Variants in RBFOX1 observed in about 807,000 individuals in gnomAD.
RBFOX1 encodes the protein RNA binding fox-1 homolog 1.
RBFOX1 carries 8 observed loss-of-function variants against 57.7 expected under a neutral mutation model. The observed-to-expected ratio is 0.14, with a 90% CI of 0.08 to 0.25. RBFOX1 has a LOEUF of 0.25. RBFOX1 is among the 10% of genes least tolerant of loss of function. RBFOX1 has a pLI of 1.00. For synonymous variants in RBFOX1, 326 were observed against 222.4 expected (o/e 1.47, Z -4.15); for missense variants, 611 against 548.5 (o/e 1.11, Z -1.14).
chr16:7,377,431 G>GA (rs1178795910), intron 4 of RBFOX1, among the ~76,000 whole-genome samples: 2 of 152,108 alleles, frequency 1.3e-5, no homozygotes, highest in African/African-American at 4.8e-5. Context: ...AGTTTCTGAA[G>GA]AATCATTTCA....
intron 1 of RBFOX1, among the ~76,000 whole-genome samples, chr16:6,166,363 C>T (rs1401833696): frequency 6.6e-6 from 1 of 151,236 alleles, no homozygotes; most frequent in Non-Finnish European, 1.5e-5. Context: ...CCAAAGGTTC[C>T]ATGGGCTCAT....
intron 4 of RBFOX1, among the ~76,000 whole-genome samples, chr16:7,255,776 T>C (rs542091351): frequency 1.1e-4 from 16 of 152,352 alleles, no homozygotes; most frequent in Admixed American, 2.6e-4. Flanking sequence ...TATAGAAATA[T>C]TAACAATATA....
chr16:7,281,399 T>G lies in RBFOX1; in HGVS notation c.27+229301T>G, dbSNP rs561798845. ...CTTCCCTTATTGTATGAGAGCCAGG[T>G]GACTTTGTGCAAAACACTTGCCTGC... On this transcript the variant is annotated intron_variant, in intron 4 of 15. Coordinates refer to ENST00000550418, the MANE Select transcript of RBFOX1 (RefSeq NM_018723.4). Among the ~76,000 whole-genome samples the G allele has an allele frequency of 3.3e-4, 50 of 152,048 alleles. 1 individual carries two copies. The highest frequency in any genetic ancestry group is 1.2e-3 in the African/African-American group (50 of 41,466).
At chr16:6,166,622 A>C (rs2096919377) in intron 1 of RBFOX1, among the ~76,000 whole-genome samples, 1 of 152,080 alleles carries the variant, frequency 6.6e-6, no homozygotes. Context: ...GGAAAAGGAG[A>C]GACTCTTACT....
intron 11 of RBFOX1, among the ~76,000 whole-genome samples, chr16:7,647,320 G>C (rs1418831201): frequency 2.6e-5 from 4 of 152,142 alleles, no homozygotes; most frequent in Non-Finnish European, 4.4e-5. Context: ...TTTAGCTTAT[G>C]AGCTGAATCC....
At chr16:7,305,788 C>G (rs2096167743) in intron 4 of RBFOX1, among the ~76,000 whole-genome samples, 1 of 152,112 alleles carries the variant, frequency 6.6e-6, no homozygotes, top group Non-Finnish European at 1.5e-5. Context: ...ATCTTGGGAA[C>G]CAATTTGTTC....
intron 4 of RBFOX1, among the ~76,000 whole-genome samples, chr16:7,292,785 G>A (rs1032861451): frequency 2.0e-5 from 3 of 152,150 alleles, no homozygotes; most frequent in South Asian, 2.1e-4. Flanking sequence ...CGAGGTGAAG[G>A]AAATGCTATG....
intron 3 of RBFOX1, among the ~76,000 whole-genome samples, chr16:6,725,042 C>CTTTTTT (rs1186629170): frequency 1.0e-4 from 5 of 49,816 alleles, no homozygotes; most frequent in Non-Finnish European, 2.4e-4. Flanking sequence ...TTTTGGCTAG[C>CTTTTTT]TTTTTTTTTT....
At chr16:5,576,737 C>T (rs1239453241) in intron 2 of RBFOX1, among the ~76,000 whole-genome samples, 2 of 152,228 alleles carry the variant, frequency 1.3e-5, no homozygotes, top group Non-Finnish European at 2.9e-5. Flanking sequence ...CTTAAAGGTC[C>T]ACCTTCTGGG....
chr16:5,428,873 C>T (rs142601586), intron 1 of RBFOX1, among the ~76,000 whole-genome samples: 74 of 152,120 alleles, frequency 4.9e-4, no homozygotes, highest in African/African-American at 1.7e-3. Flanking sequence ...CCTTTTTTTC[C>T]ATAGGACAGT....
intron 3 of RBFOX1, among the ~76,000 whole-genome samples, chr16:6,965,647 G>A (rs1231354032): frequency 6.6e-6 from 1 of 152,136 alleles, no homozygotes; most frequent in Admixed American, 6.5e-5. Flanking sequence ...GACAAATCCA[G>A]TTTTCACTGA....
intron 2 of RBFOX1, among the ~76,000 whole-genome samples, chr16:6,398,224 C>T (rs752229318): frequency 6.6e-5 from 10 of 152,140 alleles, no homozygotes; most frequent in African/African-American, 1.9e-4. Flanking sequence ...TACTTCCCAC[C>T]GGGTTTCTCC....
In RBFOX1 at chr16:7,064,934, G is replaced by T. The variant is rs936971846; in HGVS notation, c.27+12836G>T. On this transcript the variant is annotated intron_variant, in intron 4 of 15. Coordinates refer to ENST00000550418, the MANE Select transcript of RBFOX1 (RefSeq NM_018723.4). ...CATTTTCTTGTTTACTTAAAAAATAGTGGACTCCCTTGGGGGATAGAGATG... is the reference window on the plus strand; with the variant it reads ...CATTTTCTTGTTTACTTAAAAAATATTGGACTCCCTTGGGGGATAGAGATG... Among the ~76,000 whole-genome samples the T allele has an allele frequency of 3.3e-5, 5 of 152,278 alleles. No homozygotes were observed. The East Asian group carries it at 7.7e-4, about 24-fold the overall frequency.
intron 3 of RBFOX1, among the ~76,000 whole-genome samples, chr16:6,871,569 G>T (rs925397407): frequency 6.6e-6 from 1 of 151,956 alleles, no homozygotes; most frequent in Non-Finnish European, 1.5e-5. Context: ...CTTAATTACT[G>T]ACTGAAACTT....
chr16:7,049,790 A>C (rs1035054226), intron 3 of RBFOX1, among the ~76,000 whole-genome samples: 16 of 152,184 alleles, frequency 1.1e-4, no homozygotes, highest in African/African-American at 3.9e-4. Context: ...AAACAGGATG[A>C]AGTGTTTTCG....
chr16:6,730,469 C>G (rs1461869921), intron 3 of RBFOX1, among the ~76,000 whole-genome samples: 1 of 152,166 alleles, frequency 6.6e-6, no homozygotes, highest in East Asian at 1.9e-4. Context: ...ATCTATCCAT[C>G]TATCTAATTA....
intron 3 of RBFOX1, among the ~76,000 whole-genome samples, chr16:5,830,361 C>A (rs907427150): frequency 5.3e-5 from 8 of 152,036 alleles, no homozygotes; most frequent in African/African-American, 1.9e-4. Flanking sequence ...CATTAAATTT[C>A]CAATCATTTT....
At chr16:5,830,018 C>T (rs954402142) in intron 3 of RBFOX1, among the ~76,000 whole-genome samples, 5 of 152,194 alleles carry the variant, frequency 3.3e-5, no homozygotes, top group African/African-American at 1.2e-4. Flanking sequence ...TTGCTCAATA[C>T]ATTCAAATAG....
At chr16:6,217,217 C>G (rs907005041) in intron 1 of RBFOX1, among the ~76,000 whole-genome samples, 3 of 112,074 alleles carry the variant, frequency 2.7e-5, no homozygotes, top group Non-Finnish European at 5.1e-5. Flanking sequence ...AATCTAGAAG[C>G]AAATGTTATT....
Sources: allele counts gnomAD v4.1 joint callset (sites outside exome capture counted in the v4.1 genomes callset), GRCh38; gene constraint gnomAD v4.1.1; transcripts MANE v1.5; gene names NCBI Gene and HGNC (gene_info 2026-07-23, HGNC 2026-07-21).